Variants in DMD observed in about 807,000 individuals in gnomAD.
DMD encodes the protein dystrophin.
In DMD, 63 loss-of-function variants were observed where a neutral mutation model predicts 330.1. That is an observed-to-expected ratio of 0.19 (90% CI 0.16 to 0.24). The LOEUF (loss-of-function observed/expected upper bound fraction) is 0.24. Among genes scored for constraint, DMD ranks in the 10% least tolerant of loss-of-function variants. The pLI, the probability that DMD is intolerant of heterozygous loss-of-function variation, is 1.00. For missense variants in DMD, 3,344 were observed against 2,684.1 expected (o/e 1.25, Z -5.43); for synonymous variants, 1,223 against 959.8 (o/e 1.27, Z -5.07).
At chrX:32,872,959 CTTAT>C (rs760683028) in intron 2 of DMD, among the ~76,000 whole-genome samples, 1 of 111,982 alleles carries the variant, frequency 8.9e-6, no homozygotes, top group South Asian at 3.7e-4. Context: ...GGTGGCTAAT[CTTAT>C]TTAAACTAAT....
chrX:32,239,346 A>G (rs866115669), intron 43 of DMD, among the ~76,000 whole-genome samples: 1 of 111,570 alleles, frequency 9.0e-6, no homozygotes, highest in Middle Eastern at 4.6e-3. Context: ...TCTGCTCTTC[A>G]TTTTTAATAG....
intron 53 of DMD, among the ~76,000 whole-genome samples, chrX:31,659,924 T>C: frequency 8.9e-6 from 1 of 111,740 alleles, no homozygotes; most frequent in African/African-American, 3.2e-5. Flanking sequence ...ATATTTGTTC[T>C]TTTGCGTTAG....
chrX:32,922,760 C>A (rs2088564862), intron 2 of DMD, among the ~76,000 whole-genome samples: 1 of 111,592 alleles, frequency 9.0e-6, no homozygotes, highest in Non-Finnish European at 1.9e-5. Context: ...TTGGGGACCC[C>A]TGCTTTGGGG....
intron 7 of DMD, among the ~76,000 whole-genome samples, chrX:32,709,368 G>T (rs934701656): frequency 8.9e-6 from 1 of 111,966 alleles, no homozygotes; most frequent in Non-Finnish European, 1.9e-5. Context: ...TGTAATAAAT[G>T]ATGTTAAGAA....
intron 60 of DMD, among the ~76,000 whole-genome samples, chrX:31,376,914 G>A (rs16989588): frequency 0.08 from 8,930 of 111,514 alleles, 913 homozygotes; most frequent in African/African-American, 0.28. Flanking sequence ...AAGCCCTTGC[G>A]GTTCTAACCC....
At chrX:31,281,565 C>T (rs1379484200) in intron 62 of DMD, among the ~76,000 whole-genome samples, 1 of 93,230 alleles carries the variant, frequency 1.1e-5, no homozygotes, top group Non-Finnish European at 2.0e-5. Context: ...ACTTTTTAAA[C>T]GTTAAAAAAA....
At chrX:32,164,672 C>A (rs764470328) in intron 44 of DMD, among the ~76,000 whole-genome samples, 1 of 111,540 alleles carries the variant, frequency 9.0e-6, no homozygotes, top group Admixed American at 9.5e-5. Flanking sequence ...TAACAAGGAG[C>A]CCAATGTTAA....
chrX:32,185,594 A>T (rs2096942806), intron 44 of DMD, among the ~76,000 whole-genome samples: 1 of 111,816 alleles, frequency 8.9e-6, no homozygotes, highest in African/African-American at 3.2e-5. Context: ...GTGTTAAAAT[A>T]TCTACAAATT....
intron 60 of DMD, among the ~76,000 whole-genome samples, chrX:31,390,109 G>A (rs762250177): frequency 4.5e-5 from 5 of 110,188 alleles, no homozygotes; most frequent in East Asian, 5.7e-4. Context: ...ATTCGTAGCC[G>A]GATTGTAGCA....
intron 1 of DMD, among the ~76,000 whole-genome samples, chrX:33,046,452 G>T (rs2094383461): frequency 9.0e-6 from 1 of 111,439 alleles, no homozygotes; most frequent in Admixed American, 9.6e-5. Context: ...TTATGATTTT[G>T]ACTAATGTCT....
chrX:31,687,287 A>G (rs2082747437), intron 52 of DMD, among the ~76,000 whole-genome samples: 1 of 110,552 alleles, frequency 9.0e-6, no homozygotes. Flanking sequence ...AAAAGTAGAC[A>G]GAAAAGTAAA....
intron 63 of DMD, among the ~76,000 whole-genome samples, chrX:31,253,464 G>A (rs2049610725): frequency 9.0e-6 from 1 of 111,706 alleles, no homozygotes; most frequent in Admixed American, 9.5e-5. Context: ...GAATCCTGCA[G>A]TTTCTAACCC....
chrX:32,578,928 T>C (rs962245171), intron 13 of DMD, among the ~76,000 whole-genome samples: 1 of 112,009 alleles, frequency 8.9e-6, no homozygotes, highest in Non-Finnish European at 1.9e-5. Flanking sequence ...TTATGTGTAA[T>C]GAGCCCTCTG....
chrX:31,225,634 G>A (rs1371931391), intron 63 of DMD, among the ~76,000 whole-genome samples: 2 of 111,910 alleles, frequency 1.8e-5, no homozygotes, highest in African/African-American at 3.3e-5. Flanking sequence ...GCAAACATCA[G>A]AATCACCTGG....
intron 1 of DMD, among the ~76,000 whole-genome samples, chrX:33,097,954 C>G (rs913503884): frequency 9.0e-6 from 1 of 111,050 alleles, no homozygotes; most frequent in Non-Finnish European, 1.9e-5. Flanking sequence ...TCACATATGG[C>G]TATTGGCTAC....
chrX:31,501,130 G>T (rs1482406517), intron 56 of DMD, among the ~76,000 whole-genome samples: 1 of 112,037 alleles, frequency 8.9e-6, no homozygotes, highest in Non-Finnish European at 1.9e-5. Flanking sequence ...TAAGGCAAAT[G>T]CCTATTTACA....
chrX:32,822,439 G>A (rs919832104), intron 5 of DMD, among the ~76,000 whole-genome samples: 2 of 109,849 alleles, frequency 1.8e-5, no homozygotes, highest in Non-Finnish European at 3.8e-5. Flanking sequence ...TATATACAAT[G>A]AGTGGAAAAT....
intron 44 of DMD, among the ~76,000 whole-genome samples, chrX:32,086,500 C>CA (rs34928758): frequency 4.5e-5 from 5 of 110,813 alleles, no homozygotes; most frequent in Non-Finnish European, 7.6e-5. Context: ...GCCTTTGACG[C>CA]AAAAAACTGA....
intron 1 of DMD, among the ~76,000 whole-genome samples, chrX:33,170,338 GGACA>G (rs34972703): frequency 0.15 from 16,402 of 110,134 alleles, 1,555 homozygotes; most frequent in East Asian, 0.42. Context: ...TCAAATGCTT[GGACA>G]GACAAATGTA....
Sources: gnomAD v4.1 joint callset for allele counts (sites outside exome capture counted in the v4.1 genomes callset) on GRCh38, gnomAD v4.1.1 for gene constraint, MANE v1.5 for transcripts, NCBI Gene and HGNC (gene_info 2026-07-23, HGNC 2026-07-21) for gene names.